NCOA2: variants seen among roughly 807,000 people sequenced by gnomAD.
NCOA2 encodes nuclear receptor coactivator 2, also known as class E basic helix-loop-helix protein 75.
A neutral mutation model predicts 145.1 loss-of-function variants in NCOA2; 21 were observed. The ratio of observed to expected loss-of-function variants is 0.14; its 90% CI spans 0.10 to 0.21. The LOEUF (loss-of-function observed/expected upper bound fraction) is 0.21. Among genes scored for constraint, NCOA2 ranks in the 10% least tolerant of loss-of-function variants. NCOA2 has a pLI of 1.00. For missense variants in NCOA2, 1,472 were observed against 1,837.6 expected, an observed-to-expected ratio of 0.80 and a Z score of 3.64; for synonymous variants, 619 against 637.5, an observed-to-expected ratio of 0.97 and a Z score of 0.44.
chr8:70,407,526 C>T (rs560450533), upstream of NCOA2, among the ~76,000 whole-genome samples: 9 of 151,884 alleles, frequency 5.9e-5, no homozygotes, highest in Non-Finnish European at 1.0e-4. Context: ...CAGTGGCTCA[C>T]GCCTGTAATC....
intron 11 of NCOA2, 40 bp from the exon 12 acceptor site, chr8:70,148,523 A>G (rs920428766): frequency 1.9e-6 from 3 of 1,562,896 alleles, no homozygotes; most frequent in Non-Finnish European, 2.6e-6. Context: ...AGTCTACTCT[A>G]AGAGTAGACA....
intron 2 of NCOA2, among the ~76,000 whole-genome samples, chr8:70,288,145 T>C (rs1826381113): frequency 6.6e-6 from 1 of 152,230 alleles, no homozygotes; most frequent in Non-Finnish European, 1.5e-5. Flanking sequence ...TGTGAATTAC[T>C]ATGAGAAAGG....
intron 2 of NCOA2, among the ~76,000 whole-genome samples, chr8:70,232,111 A>AT (rs991480340): frequency 2.4e-4 from 36 of 152,048 alleles, no homozygotes; most frequent in African/African-American, 7.2e-4. Flanking sequence ...TTTGAACACC[A>AT]TTTTTTTGGT....
At chr8:70,368,173 A>G (rs538835136) in intron 1 of NCOA2, among the ~76,000 whole-genome samples, 5 of 152,208 alleles carry the variant, frequency 3.3e-5, no homozygotes, top group Non-Finnish European at 5.9e-5. Flanking sequence ...CTTGGTCTGG[A>G]AAGTTAAATG....
At chr8:70,414,175 T>A in the NCOA2 span, among the ~76,000 whole-genome samples, 3 of 152,232 alleles carry the variant, frequency 2.0e-5, no homozygotes, top group Non-Finnish European at 4.4e-5. Context: ...ATTACTAATA[T>A]TGGGTACTTT....
intron 2 of NCOA2, among the ~76,000 whole-genome samples, chr8:70,276,243 C>A (rs1323153682): frequency 6.6e-6 from 1 of 151,716 alleles, no homozygotes; most frequent in Non-Finnish European, 1.5e-5. Flanking sequence ...AACAGCACTG[C>A]AATTAAAAAG....
intron 1 of NCOA2, among the ~76,000 whole-genome samples, chr8:70,302,172 T>C (rs1827561844): frequency 6.6e-6 from 1 of 152,136 alleles, no homozygotes; most frequent in South Asian, 2.1e-4. Flanking sequence ...ATATATTACA[T>C]ATATTTGTAA....
At chr8:70,342,836 GA>G (rs1385019557) in intron 1 of NCOA2, among the ~76,000 whole-genome samples, 1 of 140,368 alleles carries the variant, frequency 7.1e-6, no homozygotes, top group Non-Finnish European at 1.5e-5. Flanking sequence ...TACATGGTTA[GA>G]AAATCTCTCC....
intron 4 of NCOA2, among the ~76,000 whole-genome samples, chr8:70,206,387 A>C (rs1309034931): frequency 6.6e-6 from 1 of 152,154 alleles, no homozygotes; most frequent in Non-Finnish European, 1.5e-5. Flanking sequence ...TTAAATTATA[A>C]AAATAAATGA....
chr8:70,209,119 C>T (rs1818760866), intron 4 of NCOA2, among the ~76,000 whole-genome samples: 1 of 152,146 alleles, frequency 6.6e-6, no homozygotes, highest in African/African-American at 2.4e-5. Flanking sequence ...TTGGAAGAAG[C>T]TGATTCTAAC....
At chr8:70,185,577 A>C (rs1168426186) in intron 4 of NCOA2, among the ~76,000 whole-genome samples, 1 of 152,186 alleles carries the variant, frequency 6.6e-6, no homozygotes, top group East Asian at 1.9e-4. Context: ...GCTTGTGGCC[A>C]GGGCGCAAGC....
the NCOA2 span, among the ~76,000 whole-genome samples, chr8:70,427,298 C>T: frequency 6.6e-6 from 1 of 151,992 alleles, no homozygotes; most frequent in Non-Finnish European, 1.5e-5. Context: ...TGAAAATTAA[C>T]TATGAATCTT....
chr8:70,144,693 C>T lies in NCOA2; in HGVS notation c.2761G>A (p.Gly921Ser). The T allele has an allele frequency of 6.2e-7, 1 of 1,613,946 alleles. No homozygotes were observed. Among genetic ancestry groups the T allele is most frequent in the Non-Finnish European group, 8.5e-7 (1 of 1,179,884 alleles). ...TGGTTTCCTATCATCCCTTGATTAC[C>T]CATCATTCCTGGCTGAGGTATCACT... ...YSVIPQPGMM[G>S]NQGMIGNQGN... Residue 921 changes from glycine (G) to serine (S), a missense_variant, in exon 13 of 23, where the codon GGT becomes AGT. Physicochemically the swap from Gly to Ser is moderately conservative, Grantham distance 56 (BLOSUM62 0). This residue lies in a region of NCOA2 where 953 missense variants were observed against 1,062.1 expected (regional missense o/e 0.90). Coordinates refer to ENST00000452400, the MANE Select transcript of NCOA2 (RefSeq NM_006540.4).
chr8:70,140,593 G>GTTTTTT (rs71558582), intron 14 of NCOA2, among the ~76,000 whole-genome samples: 19 of 79,790 alleles, frequency 2.4e-4, no homozygotes, highest in East Asian at 9.1e-4. Context: ...TACCACCTAA[G>GTTTTTT]TTTTTTTTTT....
At chr8:70,453,216 G>T in the NCOA2 span, among the ~76,000 whole-genome samples, 1 of 152,158 alleles carries the variant, frequency 6.6e-6, no homozygotes, top group South Asian at 2.1e-4. Context: ...AACTTTTGTG[G>T]CAAGACTTCC....
intron 2 of NCOA2, among the ~76,000 whole-genome samples, chr8:70,262,619 C>T (rs535730079): frequency 3.9e-5 from 6 of 152,256 alleles, no homozygotes; most frequent in Non-Finnish European, 7.3e-5. Context: ...AACTTTTAAA[C>T]AGGTTGGACA....
chr8:70,114,989 T>C (rs1241849454), intron 22 of NCOA2, among the ~76,000 whole-genome samples: 1 of 152,170 alleles, frequency 6.6e-6, no homozygotes, highest in Non-Finnish European at 1.5e-5. Context: ...GAAGAACATT[T>C]AGCATACTTT....
intron 4 of NCOA2, among the ~76,000 whole-genome samples, chr8:70,191,385 A>C (rs1816655041): frequency 6.6e-6 from 1 of 152,192 alleles, no homozygotes; most frequent in Admixed American, 6.5e-5. Context: ...TACTGAAATA[A>C]TGCCAGTCAA....
intron 4 of NCOA2, among the ~76,000 whole-genome samples, chr8:70,199,972 G>C (rs914660758): frequency 6.6e-6 from 1 of 152,168 alleles, no homozygotes; most frequent in African/African-American, 2.4e-5. Context: ...GGAAAAGATG[G>C]ATGGTCTGTA....
Sources: gnomAD v4.1 joint callset for allele counts (sites outside exome capture counted in the v4.1 genomes callset) on GRCh38, gnomAD v4.1.1 for gene constraint, gnomAD v4.1.1 regional missense constraint, MANE v1.5 for transcripts, NCBI Gene and HGNC (gene_info 2026-07-23, HGNC 2026-07-21) for gene names.